Variants in PRKG1 observed in about 807,000 individuals in gnomAD.
The protein encoded by PRKG1 is cGMP-dependent protein kinase 1.
Under a neutral mutation model 88.1 loss-of-function variants are expected in PRKG1, and 35 were observed. The observed-to-expected ratio is 0.40, with a 90% CI of 0.30 to 0.53. The LOEUF (loss-of-function observed/expected upper bound fraction) is 0.53, where lower values mean the gene tolerates loss of function less well. PRKG1 is among the 20% of genes least tolerant of loss of function. The pLI, the probability that PRKG1 is intolerant of heterozygous loss-of-function variation, is 0.59. For synonymous variants in PRKG1, 303 were observed against 292.5 expected, an observed-to-expected ratio of 1.04 and a Z score of -0.37; for missense variants, 540 against 839.8, an observed-to-expected ratio of 0.64 and a Z score of 4.41.
At chr10:51,034,746 GA>G (rs959370891) in intron 1 of PRKG1, among the ~76,000 whole-genome samples, 2 of 131,416 alleles carry the variant, frequency 1.5e-5, no homozygotes, top group Non-Finnish European at 3.1e-5. Context: ...AGAAAATTCA[GA>G]AAAAAATATA....
At chr10:51,149,819 G>A (rs1172062321) in intron 1 of PRKG1, among the ~76,000 whole-genome samples, 1 of 152,032 alleles carries the variant, frequency 6.6e-6, no homozygotes, top group Non-Finnish European at 1.5e-5. Flanking sequence ...CATGGTGGGA[G>A]TATTTACACC....
chr10:51,061,869 C>G (rs376478126), intron 1 of PRKG1, among the ~76,000 whole-genome samples: 1 of 152,192 alleles, frequency 6.6e-6, no homozygotes, highest in Admixed American at 6.5e-5. Flanking sequence ...ATTTCTGAAA[C>G]ATAAAATTGT....
intron 1 of PRKG1, among the ~76,000 whole-genome samples, chr10:50,993,290 G>A (rs996434359): frequency 1.3e-5 from 2 of 152,222 alleles, no homozygotes; most frequent in Non-Finnish European, 2.9e-5. Context: ...TCAGAAGACA[G>A]CTTTCAGATT....
intron 8 of PRKG1, among the ~76,000 whole-genome samples, chr10:52,145,586 TTC>T (rs552053556): frequency 1.9e-4 from 29 of 152,190 alleles, no homozygotes; most frequent in Non-Finnish European, 4.1e-4. Flanking sequence ...CAGGATTTAT[TTC>T]TGACAGAAGC....
intron 7 of PRKG1, among the ~76,000 whole-genome samples, chr10:52,097,357 G>C (rs1564467390): frequency 1.3e-5 from 2 of 152,028 alleles, no homozygotes; most frequent in Admixed American, 1.3e-4. Flanking sequence ...TATACCAATT[G>C]TTGAATATTT....
chr10:51,645,361 C>T (rs112832521), intron 3 of PRKG1, among the ~76,000 whole-genome samples: 1 of 152,164 alleles, frequency 6.6e-6, no homozygotes. Flanking sequence ...TTTGCAACAA[C>T]ATCTTATATG....
intron 1 of PRKG1, among the ~76,000 whole-genome samples, chr10:51,098,384 C>A (rs957442108): frequency 5.9e-5 from 9 of 152,096 alleles, no homozygotes; most frequent in African/African-American, 2.2e-4. Context: ...TCCCGTGTCC[C>A]AGAGGTCCTG....
At chr10:51,068,193 C>T (rs1843778676) in intron 1 of PRKG1, among the ~76,000 whole-genome samples, 1 of 152,010 alleles carries the variant, frequency 6.6e-6, no homozygotes. Context: ...TTCTGGATTT[C>T]CATCTCATGA....
At chr10:51,399,858 A>G (rs896529645) in intron 2 of PRKG1, among the ~76,000 whole-genome samples, 2 of 152,162 alleles carry the variant, frequency 1.3e-5, no homozygotes, top group Non-Finnish European at 2.9e-5. Flanking sequence ...GTGTCAGCCC[A>G]TGGTGGAGAG....
intron 2 of PRKG1, among the ~76,000 whole-genome samples, chr10:51,283,198 G>A (rs1259000338): frequency 1.3e-5 from 2 of 151,724 alleles, no homozygotes; most frequent in Non-Finnish European, 2.9e-5. Flanking sequence ...GGAAAATCGT[G>A]GAGAAGCATA....
intron 2 of PRKG1, among the ~76,000 whole-genome samples, chr10:51,340,017 CTTTA>C (rs778020855): frequency 1.1e-4 from 17 of 152,046 alleles, no homozygotes; most frequent in Admixed American, 2.6e-4. Flanking sequence ...TGATGAACTG[CTTTA>C]TTTACTTTCA....
chr10:52,218,299 C>G (rs903587829), intron 9 of PRKG1, among the ~76,000 whole-genome samples: 5 of 150,224 alleles, frequency 3.3e-5, no homozygotes, highest in African/African-American at 1.2e-4. Context: ...GGCGTCTTAA[C>G]AGCTGACATC....
intron 5 of PRKG1, among the ~76,000 whole-genome samples, chr10:52,002,781 G>T (rs1844632273): frequency 6.6e-6 from 1 of 152,140 alleles, no homozygotes; most frequent in South Asian, 2.1e-4. Context: ...CACTATGAAA[G>T]ATCATCAGCA....
intron 1 of PRKG1, among the ~76,000 whole-genome samples, chr10:51,011,442 A>G (rs1842992990): frequency 6.6e-6 from 1 of 152,206 alleles, no homozygotes; most frequent in Non-Finnish European, 1.5e-5. Context: ...AAAAATGTTT[A>G]ACGAAGAATT....
At chr10:51,043,776 A>G (rs1164129217) in intron 1 of PRKG1, among the ~76,000 whole-genome samples, 2 of 152,164 alleles carry the variant, frequency 1.3e-5, no homozygotes, top group Non-Finnish European at 2.9e-5. Flanking sequence ...ATTTTGGTGT[A>G]TGAGTGAGTG....
At chr10:52,270,761 C>A (rs75396038) in intron 10 of PRKG1, among the ~76,000 whole-genome samples, 2,070 of 151,560 alleles carry the variant, frequency 0.014, 46 homozygotes, top group African/African-American at 0.048. Flanking sequence ...AGGAGATATA[C>A]CTAATACTAA....
intron 2 of PRKG1, among the ~76,000 whole-genome samples, chr10:51,169,921 G>C (rs1389722443): frequency 6.6e-6 from 1 of 151,686 alleles, no homozygotes; most frequent in African/African-American, 2.4e-5. Flanking sequence ...CATACTTCTG[G>C]CTCAACTTCC....
chr10:51,719,331 C>T (rs1379926370), intron 3 of PRKG1, among the ~76,000 whole-genome samples: 2 of 152,120 alleles, frequency 1.3e-5, no homozygotes, highest in Non-Finnish European at 2.9e-5. Context: ...ACCTGGGAGA[C>T]ACCACTAGTA....
At chr10:51,722,925 A>G (rs1330199033) in intron 3 of PRKG1, among the ~76,000 whole-genome samples, 1 of 152,138 alleles carries the variant, frequency 6.6e-6, no homozygotes, top group Non-Finnish European at 1.5e-5. Flanking sequence ...TGCCTACTTG[A>G]TCTCTCTCCA....
Sources: gnomAD v4.1 joint callset for allele counts (sites outside exome capture counted in the v4.1 genomes callset) on GRCh38, gnomAD v4.1.1 for gene constraint, MANE v1.5 for transcripts, NCBI Gene and HGNC (gene_info 2026-07-23, HGNC 2026-07-21) for gene names.